Variants in SLC25A21 observed in about 807,000 individuals in gnomAD.
The protein encoded by SLC25A21 is solute carrier family 25 member 21.
SLC25A21 carries 47 observed loss-of-function variants against 43.8 expected under a neutral mutation model. The observed-to-expected ratio is 1.07, with a 90% CI of 0.85 to 1.37. The LOEUF (loss-of-function observed/expected upper bound fraction) is 1.37, where lower values mean the gene tolerates loss of function less well. Ranked by LOEUF, SLC25A21 falls within the 40% of genes most tolerant of loss-of-function variation. The pLI is 0.00. For missense variants in SLC25A21, 352 were observed against 350.2 expected (o/e 1.00, Z -0.04); for synonymous variants, 131 against 121.3 (o/e 1.08, Z -0.52).
At chr14:36,841,693 T>C (rs1889388783) in intron 2 of SLC25A21, among the ~76,000 whole-genome samples, 1 of 152,176 alleles carries the variant, frequency 6.6e-6, no homozygotes, top group Admixed American at 6.5e-5. Context: ...TATGCATACC[T>C]TGCCCAAGAA....
At chr14:36,947,271 A>C (rs1892699614) in intron 1 of SLC25A21, among the ~76,000 whole-genome samples, 1 of 152,198 alleles carries the variant, frequency 6.6e-6, no homozygotes, top group South Asian at 2.1e-4. Context: ...TTTCAACAAC[A>C]AGTAACCACT....
intron 1 of SLC25A21, among the ~76,000 whole-genome samples, chr14:36,900,701 A>G (rs897890627): frequency 2.0e-5 from 3 of 152,206 alleles, no homozygotes; most frequent in Non-Finnish European, 4.4e-5. Context: ...AGTTCATAAG[A>G]TGTTATGTTA....
At chr14:37,139,182 T>G (rs1279565073) in intron 1 of SLC25A21, among the ~76,000 whole-genome samples, 1 of 152,100 alleles carries the variant, frequency 6.6e-6, no homozygotes, top group Admixed American at 6.6e-5. Flanking sequence ...TAACATTACT[T>G]TAAACATGAG....
chr14:36,945,822 C>G (rs1212591772), intron 1 of SLC25A21, among the ~76,000 whole-genome samples: 3 of 152,094 alleles, frequency 2.0e-5, no homozygotes, highest in Non-Finnish European at 4.4e-5. Context: ...TGTGAATGTA[C>G]TTAATGCCAC....
chr14:36,961,481 G>A (rs541257661), intron 1 of SLC25A21, among the ~76,000 whole-genome samples: 8 of 152,264 alleles, frequency 5.3e-5, no homozygotes, highest in African/African-American at 1.2e-4. Context: ...GAGGCTTCGC[G>A]AGAAAGTGAC....
chr14:36,926,240 C>T (rs764396790), intron 1 of SLC25A21, among the ~76,000 whole-genome samples: 12 of 152,154 alleles, frequency 7.9e-5, no homozygotes, highest in South Asian at 4.1e-4. Flanking sequence ...TTGGAAATCA[C>T]GGAACACAGT....
chr14:36,857,515 A>C (rs1315828034), intron 2 of SLC25A21, among the ~76,000 whole-genome samples: 1 of 152,220 alleles, frequency 6.6e-6, no homozygotes, highest in Non-Finnish European at 1.5e-5. Flanking sequence ...AAGAAAAGAA[A>C]ATCATGCCGA....
intron 1 of SLC25A21, among the ~76,000 whole-genome samples, chr14:37,078,340 G>C (rs1004437076): frequency 1.3e-5 from 2 of 152,128 alleles, no homozygotes; most frequent in Admixed American, 6.5e-5. Flanking sequence ...TGGTGTCCAA[G>C]ACTTCCAAAA....
chr14:37,050,581 G>A (rs994403672), intron 1 of SLC25A21, among the ~76,000 whole-genome samples: 7 of 152,150 alleles, frequency 4.6e-5, no homozygotes, highest in African/African-American at 1.4e-4. Context: ...ACAGTACCAC[G>A]TATTCTAGTG....
At chr14:37,002,689 A>G (rs1594747016) in intron 1 of SLC25A21, among the ~76,000 whole-genome samples, 2 of 152,160 alleles carry the variant, frequency 1.3e-5, no homozygotes, top group Non-Finnish European at 2.9e-5. Flanking sequence ...ACTAAATGCG[A>G]TAACATTCAG....
chr14:37,139,465 A>G (rs17106431), intron 1 of SLC25A21, among the ~76,000 whole-genome samples: 6,162 of 152,180 alleles, frequency 0.04, 439 homozygotes, highest in African/African-American at 0.14. Context: ...TTTCAACATT[A>G]TACTCTTAAA....
chr14:36,872,920 G>T (rs1172308561), intron 2 of SLC25A21, among the ~76,000 whole-genome samples: 1 of 152,140 alleles, frequency 6.6e-6, no homozygotes, highest in Non-Finnish European at 1.5e-5. Flanking sequence ...AGCTCTCTGA[G>T]GGCAGAGCTA....
chr14:36,757,589 C>T (rs1885984320), intron 3 of SLC25A21, among the ~76,000 whole-genome samples: 2 of 152,122 alleles, frequency 1.3e-5, no homozygotes, highest in Non-Finnish European at 2.9e-5. Flanking sequence ...TCTTACTGGC[C>T]CTTAAAGATC....
chr14:36,743,869 C>G (rs1367754652), intron 3 of SLC25A21, among the ~76,000 whole-genome samples: 1 of 152,110 alleles, frequency 6.6e-6, no homozygotes, highest in Non-Finnish European at 1.5e-5. Context: ...AGTAGCATTT[C>G]TATATACCAA....
intron 1 of SLC25A21, among the ~76,000 whole-genome samples, chr14:36,886,821 A>T (rs1890928279): frequency 6.6e-6 from 1 of 152,184 alleles, no homozygotes; most frequent in African/African-American, 2.4e-5. Flanking sequence ...AACTCAATAG[A>T]AGTTATTCTT....
chr14:37,162,860 T>C (rs1263985102), intron 1 of SLC25A21, among the ~76,000 whole-genome samples: 2 of 152,176 alleles, frequency 1.3e-5, no homozygotes, highest in African/African-American at 4.8e-5. Flanking sequence ...ATTGCAGCAC[T>C]ATTCACAATA....
At chr14:36,783,666 A>T (rs757671666) in intron 3 of SLC25A21, among the ~76,000 whole-genome samples, 16 of 152,250 alleles carry the variant, frequency 1.1e-4, no homozygotes, top group Non-Finnish European at 1.9e-4. Flanking sequence ...ACATGGGTAA[A>T]ATGAAACTAT....
At chr14:36,972,859 C>T (rs1959783001) in intron 1 of SLC25A21, among the ~76,000 whole-genome samples, 1 of 151,782 alleles carries the variant, frequency 6.6e-6, no homozygotes, top group Non-Finnish European at 1.5e-5. Flanking sequence ...GAGACAAAGA[C>T]AAGGTCTCTC....
Position 36,711,409 on chromosome 14 carries a change from C to G in SLC25A21, c.512G>C (p.Gly171Ala). The change falls in exon 7 of 10, where the codon GGA becomes GCA. Residue 171 changes from glycine to alanine, a missense_variant. Physicochemically the swap from Gly to Ala is moderately conservative, Grantham distance 60 (BLOSUM62 0). Coordinates refer to ENST00000331299, the MANE Select transcript of SLC25A21 (RefSeq NM_030631.4). ...EGWGLQGLNK[G>A]LTATLGRHGV... Reference sequence around the variant, plus strand: ...ATGTCGTCCCAAAGTTGCAGTTAATCCTTTGTTGAGGCCCTGGAGTCCCCA... The same window carrying G: ...ATGTCGTCCCAAAGTTGCAGTTAATGCTTTGTTGAGGCCCTGGAGTCCCCA... The G allele has an allele frequency of 6.2e-7, 1 of 1,614,084 alleles. No individual in the cohort carries two copies. The highest frequency in any genetic ancestry group is 1.1e-5 in the South Asian group (1 of 91,078).
Sources: gnomAD v4.1 joint callset for allele counts (sites outside exome capture counted in the v4.1 genomes callset) on GRCh38, gnomAD v4.1.1 for gene constraint, MANE v1.5 for transcripts, NCBI Gene and HGNC (gene_info 2026-07-23, HGNC 2026-07-21) for gene names.